The following IMPG1 variants were observed in gnomAD, a reference collection of about 807,000 sequenced individuals.
IMPG1 encodes interphotoreceptor matrix proteoglycan of 150 kDa.
IMPG1 carries 85 observed loss-of-function variants against 92.0 expected under a neutral mutation model. The observed-to-expected ratio is 0.92, with a 90% CI of 0.78 to 1.11. The LOEUF (loss-of-function observed/expected upper bound fraction) is 1.11. Ranked by LOEUF, IMPG1 falls within the 50% of genes least tolerant of loss-of-function variation. IMPG1 has a pLI of 0.00. For missense variants in IMPG1, 1,022 were observed against 956.0 expected (o/e 1.07, Z -0.91); for synonymous variants, 367 against 334.1 (o/e 1.10, Z -1.08).
intron 14 of IMPG1, among the ~76,000 whole-genome samples, chr6:75,942,589 G>C (rs919819351): frequency 1.3e-5 from 2 of 152,088 alleles, no homozygotes; most frequent in Non-Finnish European, 2.9e-5. Context: ...CCGGATCCAG[G>C]GTCCTGAGAG....
At chr6:76,038,635 C>A (rs993794416) in intron 2 of IMPG1, among the ~76,000 whole-genome samples, 1 of 152,120 alleles carries the variant, frequency 6.6e-6, no homozygotes, top group East Asian at 1.9e-4. Context: ...TTTTGTAAAC[C>A]TTTGATTTAC....
rs370055778 is a variant in IMPG1, at chr6:76,034,800, G to C, written c.302-13C>G. The C allele has an allele frequency of 1.1e-5, 17 of 1,606,048 alleles. No individual in the cohort carries two copies. In the East Asian group the frequency reaches 3.8e-4, roughly 36 times the overall value. On this transcript the variant is annotated splice_polypyrimidine_tract_variant and intron_variant, in intron 2 of 16. Transcript: ENST00000369950. ...GCTTCCTGACACACTGTAATACAGA[G>C]TCATTAATGGCCATGCCCTAAGAGG... is the stretch of plus-strand genomic sequence containing the variant.
rs144797883 is a variant in IMPG1 at position 76,003,545 on chromosome 6, T to C, written c.1212+329A>G. Among the ~76,000 whole-genome samples the C allele has an allele frequency of 4.0e-3, 615 of 152,320 alleles. 5 individuals are homozygous for C. The highest frequency in any genetic ancestry group is 0.014 in the African/African-American group (596 of 41,580). On this transcript the variant is annotated intron_variant, in intron 11 of 16. Coordinates refer to ENST00000369950, the MANE Select transcript of IMPG1 (RefSeq NM_001563.4). Reference sequence around the variant, plus strand: ...ATATATTTCTGAAAGTCAAATAATATGTTCTGCTTTAATTATTCTTTTCAG... The same window carrying C: ...ATATATTTCTGAAAGTCAAATAATACGTTCTGCTTTAATTATTCTTTTCAG...
chr6:75,961,963 G>A (rs1782217991), intron 12 of IMPG1, among the ~76,000 whole-genome samples: 1 of 150,316 alleles, frequency 6.7e-6, no homozygotes, highest in South Asian at 2.1e-4. Context: ...TCAGGGAAAG[G>A]GAAATCTCCA....
rs1458066591 is a variant in IMPG1 at position 75,962,243 on chromosome 6, T to C, written c.1292-11149A>G. ...CAAGCACTCCTTCCTCCTCATTCTC[T>C]TGAGTAGCTGGGACCATGTGCATGC... is the stretch of plus-strand genomic sequence containing the variant. On this transcript the variant is annotated intron_variant, in intron 12 of 16. Transcript: ENST00000369950. 2.6e-5 allele frequency among the ~76,000 whole-genome samples: 4 copies of C among 152,064 alleles called. No individual in the cohort carries two copies. In the East Asian group the frequency reaches 7.7e-4, roughly 29 times the overall value.
At chr6:76,035,428 G>A (rs1419663560) in intron 2 of IMPG1, among the ~76,000 whole-genome samples, 1 of 150,798 alleles carries the variant, frequency 6.6e-6, no homozygotes. Context: ...GAACCTGGGA[G>A]GCGGAGGTTG....
chr6:76,072,507 G>T lies in IMPG1; in HGVS notation c.-19C>A. On this transcript the variant is annotated 5_prime_UTR_variant, in exon 1 of 17. Transcript: ENST00000369950. Reference sequence around the variant, plus strand: ...AATACATTCTGGCTTTTGTGCATTGGTAATTCTGATAACAATCACAGAACA... The same window carrying T: ...AATACATTCTGGCTTTTGTGCATTGTTAATTCTGATAACAATCACAGAACA... 1 of 1,500,560 alleles carries T rather than the reference G, an allele frequency of 6.7e-7. No homozygotes were observed. Among genetic ancestry groups the T allele is most frequent in the Non-Finnish European group, 9.2e-7 (1 of 1,091,768 alleles). The allele number at this position is 1,500,560 out of a possible 1,614,324, so 93.0% of individuals were successfully genotyped here. A position where few individuals can be genotyped will look rare whatever the true frequency, so the allele number is the denominator to read the frequency against.
chr6:76,053,345 A>T (rs764875813), intron 1 of IMPG1, among the ~76,000 whole-genome samples: 3 of 152,188 alleles, frequency 2.0e-5, no homozygotes, highest in Non-Finnish European at 4.4e-5. Flanking sequence ...AGAAAGTGCC[A>T]GGTAATGCAT....
intron 1 of IMPG1, among the ~76,000 whole-genome samples, chr6:76,047,458 G>A (rs1783966112): frequency 6.6e-6 from 1 of 152,192 alleles, no homozygotes; most frequent in Non-Finnish European, 1.5e-5. Flanking sequence ...TCCACTATGG[G>A]ACATAGCTGT....
intron 14 of IMPG1, chr6:75,935,038 G>T (rs986834088): frequency 1.5e-5 from 7 of 470,230 alleles, no homozygotes; most frequent in Non-Finnish European, 2.2e-5. Flanking sequence ...CTGAGGTCCC[G>T]TTGGGTCTCT....
chr6:75,947,272 G>T, intron 14 of IMPG1, 42 bp downstream of exon 14: 1 of 1,484,260 alleles, frequency 6.7e-7, no homozygotes, highest in South Asian at 1.2e-5. Context: ...TTAAAAAAAT[G>T]AACAAAACAT....
At chr6:75,950,439 A>T in intron 13 of IMPG1, 123 bp downstream of exon 13, 1 of 819,578 alleles carries the variant, frequency 1.2e-6, no homozygotes, top group East Asian at 2.7e-5. Flanking sequence ...CTTCAGCAAC[A>T]GCTGGCTTGG....
At chr6:75,952,767 A>G (rs1219388662) in intron 12 of IMPG1, among the ~76,000 whole-genome samples, 1 of 152,094 alleles carries the variant, frequency 6.6e-6, no homozygotes, top group African/African-American at 2.4e-5. Flanking sequence ...TGGTCTTGTA[A>G]GAAGAGACTC....
chr6:75,985,548 G>A (rs1298576554), intron 12 of IMPG1, among the ~76,000 whole-genome samples: 9 of 152,190 alleles, frequency 5.9e-5, no homozygotes, highest in Admixed American at 5.9e-4. Flanking sequence ...ATCAATACAT[G>A]AAAAAAATTA....
Position 76,064,561 on chromosome 6 carries a change from C to T in IMPG1, c.67+7861G>A, listed in dbSNP as rs139778537. ...CTGGGGAGACCTCAGCACATTTCAC[C>T]GGGAGCTTCCCTTGCCACCCCTCTT... On this transcript the variant is annotated intron_variant, in intron 1 of 16. Coordinates refer to ENST00000369950, the MANE Select transcript of IMPG1 (RefSeq NM_001563.4). 4.1e-3 allele frequency among the ~76,000 whole-genome samples: 627 copies of T among 152,044 alleles called. 4 individuals are homozygous for T. Among genetic ancestry groups the T allele is most frequent in the South Asian group, 8.3e-3 (40 of 4,812 alleles).
In IMPG1 at chr6:76,002,955, CT is replaced by C. The variant is rs868584856; in HGVS notation, c.1253del (p.Gln418ArgfsTer42). On this transcript the variant is annotated frameshift_variant, in exon 12 of 17. Coordinates refer to ENST00000369950, the MANE Select transcript of IMPG1 (RefSeq NM_001563.4). LOFTEE classifies it high-confidence loss of function. ...LSPELPPVEP[Q>X]LETVDGAEHG... ...GCTCTGCTCCGTCCACTGTCTCAAG[CT>C]GGGGTTCAACAGGAGGAAGTTCTGG... 1.2e-6 allele frequency: 2 copies of C among 1,613,684 alleles called. No individual in the cohort carries two copies. The highest frequency in any genetic ancestry group is 2.7e-5 in the African/African-American group (2 of 74,904).
intron 2 of IMPG1, among the ~76,000 whole-genome samples, chr6:76,039,890 T>C (rs957322164): frequency 5.3e-5 from 8 of 152,248 alleles, no homozygotes; most frequent in Admixed American, 5.2e-4. Flanking sequence ...ACTGCGTTGC[T>C]TTTAAGCCCT....
intron 12 of IMPG1, among the ~76,000 whole-genome samples, chr6:76,001,409 C>T (rs1338931039): frequency 6.6e-6 from 1 of 152,168 alleles, no homozygotes; most frequent in Non-Finnish European, 1.5e-5. Context: ...TAAATTCTTC[C>T]ATACTTCTCC....
rs1473153892 is a variant in IMPG1 at position 75,924,720 on chromosome 6, A to ATAATATATC, written c.2244-1015_2244-1014insGATATATTA. On this transcript the variant is annotated intron_variant, in intron 15 of 16. Coordinates refer to ENST00000369950, the MANE Select transcript of IMPG1 (RefSeq NM_001563.4). ...TAATTATATATAATATATAATATAT[A>ATAATATATC]ATATAATTATATATAATATATAATA... Among the ~76,000 whole-genome samples, 4 of 2,498 alleles carry ATAATATATC rather than the reference A, an allele frequency of 1.6e-3. 2 individuals carry two copies. Among genetic ancestry groups the ATAATATATC allele is most frequent in the East Asian group, 0.011 (2 of 174 alleles). The allele number at this position is 2,498 out of a possible 152,430, so 1.6% of individuals were successfully genotyped here. A position where few individuals can be genotyped will look rare whatever the true frequency, so the allele number is the denominator to read the frequency against.
Sources: allele counts gnomAD v4.1 joint callset (sites outside exome capture counted in the v4.1 genomes callset), GRCh38; gene constraint gnomAD v4.1.1; transcripts MANE v1.5; gene names NCBI Gene and HGNC (gene_info 2026-07-23, HGNC 2026-07-21).